Variants in HS3ST5 observed in about 807,000 individuals in gnomAD.
HS3ST5 encodes the protein heparan sulfate glucosamine 3-O-sulfotransferase 5.
HS3ST5 carries 10 observed loss-of-function variants against 25.4 expected under a neutral mutation model. The observed-to-expected ratio is 0.39, with a 90% CI of 0.24 to 0.67. The LOEUF (loss-of-function observed/expected upper bound fraction) is 0.67. HS3ST5 is among the 30% of genes least tolerant of loss of function. The pLI, the probability that HS3ST5 is intolerant of heterozygous loss-of-function variation, is 0.44. For synonymous variants in HS3ST5, 170 were observed against 162.4 expected (o/e 1.05, Z -0.36); for missense variants, 324 against 420.7 (o/e 0.77, Z 2.01).
intron 3 of HS3ST5, among the ~76,000 whole-genome samples, chr6:114,075,133 T>C (rs1774042118): frequency 6.6e-6 from 1 of 152,214 alleles, no homozygotes; most frequent in Admixed American, 6.5e-5. Context: ...CCTCATTACT[T>C]TTGTAGTTTT....
intron 3 of HS3ST5, among the ~76,000 whole-genome samples, chr6:114,106,829 T>G (rs1455935947): frequency 6.6e-6 from 1 of 152,128 alleles, no homozygotes; most frequent in Non-Finnish European, 1.5e-5. Flanking sequence ...ACTACCTGAA[T>G]ATTAGTTCTA....
At chr6:114,124,830 G>A (rs1776964855) in intron 3 of HS3ST5, among the ~76,000 whole-genome samples, 1 of 152,016 alleles carries the variant, frequency 6.6e-6, no homozygotes, top group Non-Finnish European at 1.5e-5. Flanking sequence ...TGGGTCATTT[G>A]TTATATTTCT....
intron 2 of HS3ST5, among the ~76,000 whole-genome samples, chr6:114,191,491 T>A (rs1400873921): frequency 6.6e-6 from 1 of 152,190 alleles, no homozygotes; most frequent in African/African-American, 2.4e-5. Flanking sequence ...CAGGGAAAGA[T>A]GACATGAGAA....
At chr6:114,330,061 A>T (rs1398931309) in intron 1 of HS3ST5, among the ~76,000 whole-genome samples, 1 of 152,106 alleles carries the variant, frequency 6.6e-6, no homozygotes, top group Non-Finnish European at 1.5e-5. Context: ...AGTGGTATAA[A>T]TGTCCCCATT....
intron 3 of HS3ST5, among the ~76,000 whole-genome samples, chr6:114,103,943 C>T (rs939786210): frequency 2.3e-4 from 34 of 150,200 alleles, no homozygotes; most frequent in African/African-American, 7.6e-4. Context: ...CCTCGTGATC[C>T]GCCCATCTCG....
chr6:114,324,376 C>A (rs1776089365), intron 1 of HS3ST5, among the ~76,000 whole-genome samples: 2 of 152,204 alleles, frequency 1.3e-5, no homozygotes, highest in South Asian at 2.1e-4. Flanking sequence ...CAGCTCATCA[C>A]TTTTCTTCAT....
intron 3 of HS3ST5, among the ~76,000 whole-genome samples, chr6:114,133,011 C>G (rs1777418086): frequency 6.6e-6 from 1 of 152,152 alleles, no homozygotes; most frequent in East Asian, 1.9e-4. Context: ...TCATCTTTCC[C>G]CCACTCCAAA....
chr6:114,152,394 C>T (rs1186951404), intron 3 of HS3ST5, among the ~76,000 whole-genome samples: 1 of 152,114 alleles, frequency 6.6e-6, no homozygotes, highest in Non-Finnish European at 1.5e-5. Flanking sequence ...TGTTAACACT[C>T]CTACCTTCTT....
At chr6:114,170,426 TA>T (rs1316781849) in intron 2 of HS3ST5, among the ~76,000 whole-genome samples, 2 of 152,240 alleles carry the variant, frequency 1.3e-5, no homozygotes, top group Admixed American at 1.3e-4. Flanking sequence ...GTCTCCTCTA[TA>T]AAAAGGATCA....
At chr6:114,169,149 A>G (rs1206445908) in intron 2 of HS3ST5, among the ~76,000 whole-genome samples, 1 of 152,202 alleles carries the variant, frequency 6.6e-6, no homozygotes, top group Non-Finnish European at 1.5e-5. Flanking sequence ...TGTATATGAC[A>G]TCTAAACAGA....
chr6:114,212,231 A>G (rs940748163), intron 2 of HS3ST5, among the ~76,000 whole-genome samples: 1 of 152,226 alleles, frequency 6.6e-6, no homozygotes, highest in African/African-American at 2.4e-5. Flanking sequence ...TTCTTCAACA[A>G]GGGCAGGCTG....
chr6:114,184,866 C>T (rs1253895446), intron 2 of HS3ST5, among the ~76,000 whole-genome samples: 1 of 152,194 alleles, frequency 6.6e-6, no homozygotes, highest in Non-Finnish European at 1.5e-5. Flanking sequence ...AGGTTTTGGA[C>T]TTGCTTGGGA....
chr6:114,304,594 G>A (rs1378559859), intron 1 of HS3ST5, among the ~76,000 whole-genome samples: 2 of 152,054 alleles, frequency 1.3e-5, no homozygotes, highest in East Asian at 1.9e-4. Context: ...GGTCTTAGAA[G>A]CTTTTGTTTC....
At chr6:114,205,034 A>T (rs1781210950) in intron 2 of HS3ST5, among the ~76,000 whole-genome samples, 1 of 152,150 alleles carries the variant, frequency 6.6e-6, no homozygotes, top group Non-Finnish European at 1.5e-5. Context: ...GGCATAGTGA[A>T]CACTGCCGTT....
Position 114,240,350 on chromosome 6 carries a change from C to T in HS3ST5, c.-338-11572G>A, listed in dbSNP as rs574261508. ...TGGCATTAGCTGTACTACTGCTTGA[C>T]TCTTTTCAATTTGTTTTTAATCCCA... On this transcript the variant is annotated intron_variant, in intron 1 of 4. Coordinates refer to ENST00000312719, the MANE Select transcript of HS3ST5 (RefSeq NM_153612.4). Among the ~76,000 whole-genome samples the T allele has an allele frequency of 3.3e-5, 5 of 152,282 alleles. No individual in the cohort carries two copies. In the South Asian group the frequency reaches 1.0e-3, roughly 32 times the overall value.
At chr6:114,256,256 T>G (rs964817546) in intron 1 of HS3ST5, among the ~76,000 whole-genome samples, 4 of 151,764 alleles carry the variant, frequency 2.6e-5, no homozygotes, top group South Asian at 4.2e-4. Flanking sequence ...GGCGTGGTGG[T>G]GGGCGCCTGT....
intron 3 of HS3ST5, among the ~76,000 whole-genome samples, chr6:114,135,932 C>G (rs940308323): frequency 3.9e-5 from 6 of 152,204 alleles, no homozygotes; most frequent in African/African-American, 1.4e-4. Context: ...CTCCATATCA[C>G]TCATGGTCAT....
intron 2 of HS3ST5, among the ~76,000 whole-genome samples, chr6:114,190,879 C>T (rs1353211874): frequency 1.3e-5 from 2 of 152,172 alleles, no homozygotes; most frequent in Non-Finnish European, 2.9e-5. Context: ...CCAACAATGA[C>T]AAGAGCTTCT....
At chr6:114,141,158 G>A (rs1276924444) in intron 3 of HS3ST5, among the ~76,000 whole-genome samples, 1 of 152,132 alleles carries the variant, frequency 6.6e-6, no homozygotes, top group African/African-American at 2.4e-5. Context: ...GTCTCTTCCT[G>A]CCCCTACAAA....
Sources: allele counts gnomAD v4.1 joint callset (sites outside exome capture counted in the v4.1 genomes callset), GRCh38; gene constraint gnomAD v4.1.1; transcripts MANE v1.5; gene names NCBI Gene and HGNC (gene_info 2026-07-23, HGNC 2026-07-21).